The following CACNB2 variants were observed in gnomAD, a reference collection of about 807,000 sequenced individuals.
The protein encoded by CACNB2 is calcium voltage-gated channel auxiliary subunit beta 2.
Under a neutral mutation model 73.3 loss-of-function variants are expected in CACNB2, and 42 were observed. The ratio of observed to expected loss-of-function variants is 0.57; its 90% CI spans 0.45 to 0.74. The LOEUF (loss-of-function observed/expected upper bound fraction) is 0.74, where lower values mean the gene tolerates loss of function less well. Ranked by LOEUF, CACNB2 falls within the 30% of genes least tolerant of loss-of-function variation. The pLI is 0.00. For missense variants in CACNB2, 940 were observed against 853.0 expected, an observed-to-expected ratio of 1.10 and a Z score of -1.27; for synonymous variants, 348 against 310.3, an observed-to-expected ratio of 1.12 and a Z score of -1.28.
intron 2 of CACNB2, among the ~76,000 whole-genome samples, chr10:18,209,687 T>C (rs1168398843): frequency 1.3e-5 from 2 of 152,176 alleles, no homozygotes; most frequent in African/African-American, 2.4e-5. Flanking sequence ...CATTTTCATG[T>C]TTTAAGTAGT....
rs1226774539 is a variant in CACNB2 at position 18,392,247 on chromosome 10, A to C, written c.214-9677A>C. ...CGGAAGAGGACGTTACTAACAAAGG[A>C]GACTTAGAAGGAACAGCCAATGGGA... On this transcript the variant is annotated intron_variant, in intron 2 of 13. Coordinates refer to ENST00000324631, the MANE Select transcript of CACNB2 (RefSeq NM_201596.3). Among the ~76,000 whole-genome samples the C allele has an allele frequency of 2.0e-5, 3 of 152,154 alleles. No homozygotes were observed. The East Asian group carries it at 5.8e-4, about 29-fold the overall frequency.
rs2050209932 is a variant in CACNB2 at position 18,501,869 on chromosome 10, A to AT, written c.593+923dup. Reference sequence around the variant, plus strand: ...CATCCTCATTAACTGGCTTTTCATAATTGTCAAGTTCATTTAGTTCAGACG... The same window carrying AT: ...CATCCTCATTAACTGGCTTTTCATAATTTGTCAAGTTCATTTAGTTCAGACG... On this transcript the variant is annotated intron_variant, in intron 5 of 13. Transcript: ENST00000324631. 2.0e-5 allele frequency among the ~76,000 whole-genome samples: 3 copies of AT among 152,122 alleles called. 1 individual carries two copies. In the South Asian group the frequency reaches 6.2e-4, roughly 31 times the overall value.
At position 18,254,032 on chromosome 10, in the gene CACNB2, G is replaced by A. The variant is rs369370577; in HGVS notation, c.213+103057G>A. 3.9e-5 allele frequency among the ~76,000 whole-genome samples: 6 copies of A among 152,316 alleles called. No individual in the cohort carries two copies. The East Asian group carries it at 7.7e-4, about 20-fold the overall frequency. ...GAAGAGAGAGTCAGGAACTCTGTACGTGGGAGAGTCCATTTTTGATGTTTT... is the reference window on the plus strand; with the variant it reads ...GAAGAGAGAGTCAGGAACTCTGTACATGGGAGAGTCCATTTTTGATGTTTT... On this transcript the variant is annotated intron_variant, in intron 2 of 13. Transcript: ENST00000324631.
At chr10:18,198,051 AAAT>A (rs1358355190) in intron 2 of CACNB2, among the ~76,000 whole-genome samples, 1 of 148,168 alleles carries the variant, frequency 6.7e-6, no homozygotes, top group Non-Finnish European at 1.5e-5. Flanking sequence ...AAATATACAT[AAAT>A]AATAAATGTT....
intron 2 of CACNB2, among the ~76,000 whole-genome samples, chr10:18,374,628 C>G (rs1311884496): frequency 4.6e-5 from 7 of 152,116 alleles, no homozygotes; most frequent in Admixed American, 4.6e-4. Flanking sequence ...TCTGAATAAT[C>G]TTTTGAAGTC....
At chr10:18,179,987 T>C (rs1319091463) in intron 2 of CACNB2, among the ~76,000 whole-genome samples, 1 of 152,334 alleles carries the variant, frequency 6.6e-6, no homozygotes, top group East Asian at 1.9e-4. Context: ...CCTGTGCTTA[T>C]ATGCACTAGT....
intron 2 of CACNB2, among the ~76,000 whole-genome samples, chr10:18,303,179 G>A (rs2039594042): frequency 6.6e-6 from 1 of 152,024 alleles, no homozygotes; most frequent in South Asian, 2.1e-4. Flanking sequence ...GGGAGTGCTG[G>A]CAAAAAGATA....
intron 2 of CACNB2, among the ~76,000 whole-genome samples, chr10:18,342,075 T>G (rs2041255915): frequency 6.6e-6 from 1 of 152,200 alleles, no homozygotes; most frequent in Non-Finnish European, 1.5e-5. Flanking sequence ...CATGTCCAAT[T>G]TAGAAATTAT....
intron 2 of CACNB2, among the ~76,000 whole-genome samples, chr10:18,164,957 C>T (rs543634323): frequency 1.3e-5 from 2 of 151,996 alleles, no homozygotes; most frequent in African/African-American, 2.4e-5. Context: ...TTTTTTTTCA[C>T]CAACATATGG....
chr10:18,246,996 C>A (rs2036889086), intron 2 of CACNB2, among the ~76,000 whole-genome samples: 1 of 152,138 alleles, frequency 6.6e-6, no homozygotes, highest in Non-Finnish European at 1.5e-5. Context: ...ACCTCATTTC[C>A]ACCTGCTGAC....
At chr10:18,322,272 A>T (rs1409019591) in intron 2 of CACNB2, among the ~76,000 whole-genome samples, 4 of 152,212 alleles carry the variant, frequency 2.6e-5, no homozygotes, top group Non-Finnish European at 4.4e-5. Context: ...GAATACAGCT[A>T]ATGACAAGAA....
At chr10:18,412,234 C>G (rs2044674432) in intron 3 of CACNB2, among the ~76,000 whole-genome samples, 1 of 152,224 alleles carries the variant, frequency 6.6e-6, no homozygotes, top group Non-Finnish European at 1.5e-5. Context: ...AAGCAAGTCA[C>G]CGGCCTAAGC....
intron 2 of CACNB2, among the ~76,000 whole-genome samples, chr10:18,366,043 T>C (rs971190685): frequency 6.6e-6 from 1 of 152,224 alleles, no homozygotes; most frequent in Non-Finnish European, 1.5e-5. Context: ...AAGTCTTGCT[T>C]ATTTCATTCT....
In CACNB2 at chr10:18,536,243, C is replaced by CTTTTT. The variant is rs904187820; in HGVS notation, c.1302+73_1302+77dup. ...CATAATCCAGTTACAGAGATCAGAC[C>CTTTTT]TTTTTTTTTTTTTTTTTTTTTTTTT... On this transcript the variant is annotated intron_variant, in intron 12 of 13. Transcript: ENST00000324631. 5.2e-4 allele frequency: 146 copies of CTTTTT among 282,904 alleles called. 3 individuals are homozygous for CTTTTT. Among genetic ancestry groups the CTTTTT allele is most frequent in the South Asian group, 2.0e-3 (54 of 27,064 alleles). 17.5% of individuals were successfully genotyped at this position (282,904 alleles called of 1,614,324 possible).
At chr10:18,426,873 G>A (rs2045625488) in intron 3 of CACNB2, among the ~76,000 whole-genome samples, 2 of 149,720 alleles carry the variant, frequency 1.3e-5, no homozygotes, top group Admixed American at 6.6e-5. Context: ...TGTTAAGGAA[G>A]TTTTCTTCTA....
chr10:18,332,317 C>G (rs1413398868), intron 2 of CACNB2, among the ~76,000 whole-genome samples: 1 of 152,082 alleles, frequency 6.6e-6, no homozygotes, highest in African/African-American at 2.4e-5. Flanking sequence ...TTGGAGTTAG[C>G]ATGGACAGGA....
At chr10:18,281,126 T>A (rs2038527614) in intron 2 of CACNB2, among the ~76,000 whole-genome samples, 1 of 152,182 alleles carries the variant, frequency 6.6e-6, no homozygotes, top group Admixed American at 6.5e-5. Flanking sequence ...TTTGAGTCTA[T>A]CTGATTGTTT....
At chr10:18,487,322 T>C (rs1230363706) in intron 3 of CACNB2, among the ~76,000 whole-genome samples, 2 of 152,238 alleles carry the variant, frequency 1.3e-5, no homozygotes, top group Admixed American at 1.3e-4. Flanking sequence ...CTTGTTTATC[T>C]ATGCTTTCAG....
intron 2 of CACNB2, among the ~76,000 whole-genome samples, chr10:18,288,850 G>T (rs2038923504): frequency 6.6e-6 from 1 of 152,124 alleles, no homozygotes; most frequent in Non-Finnish European, 1.5e-5. Context: ...ATCGAGACCA[G>T]CCTGGTCAAC....
Sources: gnomAD v4.1 joint callset for allele counts (sites outside exome capture counted in the v4.1 genomes callset) on GRCh38, gnomAD v4.1.1 for gene constraint, MANE v1.5 for transcripts, NCBI Gene and HGNC (gene_info 2026-07-23, HGNC 2026-07-21) for gene names.